Variants in FBXL22 observed in about 807,000 individuals in gnomAD.
FBXL22 encodes the protein F-box and leucine-rich protein 22.
Under a neutral mutation model 11.7 loss-of-function variants are expected in FBXL22, and 13 were observed. That is an observed-to-expected ratio of 1.11 (90% confidence interval 0.73 to 1.77). The LOEUF (loss-of-function observed/expected upper bound fraction) is 1.77, where lower values mean the gene tolerates loss of function less well. Among genes scored for constraint, FBXL22 ranks in the 40% most tolerant of loss-of-function variants. FBXL22 has a pLI of 0.00. For missense variants in FBXL22, 406 were observed against 320.4 expected, an observed-to-expected ratio of 1.27 and a Z score of -2.04; for synonymous variants, 160 against 144.1, an observed-to-expected ratio of 1.11 and a Z score of -0.79.
At chr15:63,599,722 C>G (rs1388741963) in intron 1 of FBXL22, 5 of 987,156 alleles carry the variant, frequency 5.1e-6, no homozygotes, top group Non-Finnish European at 6.0e-6. Flanking sequence ...AAGGGAAACG[C>G]TTCCCCAGCC....
Position 63,600,684 on chromosome 15 carries a change from A to T in FBXL22, c.354-13A>T. On this transcript the variant is annotated splice_polypyrimidine_tract_variant and intron_variant, in intron 1 of 1. Coordinates refer to ENST00000638704, the MANE Select transcript of FBXL22 (RefSeq NM_001367807.1). Reference sequence around the variant, plus strand: ...AAGCCAGTGAGCCCCGGGTCACCGCACTCTCCTCACAGGTGCCCCAACCTG... The same window carrying T: ...AAGCCAGTGAGCCCCGGGTCACCGCTCTCTCCTCACAGGTGCCCCAACCTG... 8.1e-7 allele frequency: 1 copy of T among 1,230,788 alleles called. No individual in the cohort carries two copies. The highest frequency in any genetic ancestry group is 1.0e-6 in the Non-Finnish European group (1 of 987,556). 76.2% of individuals were successfully genotyped at this position (1,230,788 alleles called of 1,614,324 possible). A position where few individuals can be genotyped will look rare whatever the true frequency, so the allele number is the denominator to read the frequency against.
downstream of FBXL22, chr15:63,601,957 G>A (rs2067379414): frequency 4.3e-6 from 2 of 469,324 alleles, no homozygotes; most frequent in Non-Finnish European, 3.7e-6. Flanking sequence ...CAGGGCTGTA[G>A]TCACTGATGT....
At chr15:63,599,989 G>A (rs1430506441) in intron 1 of FBXL22, 1 of 985,740 alleles carries the variant, frequency 1.0e-6, no homozygotes. Context: ...TCTTTGCTGG[G>A]AGGGGCTGGT....
chr15:63,597,887 C>T lies in FBXL22; in HGVS notation c.353+142C>T, dbSNP rs915714048. On this transcript the variant is annotated intron_variant, in intron 1 of 1. Coordinates refer to ENST00000638704, the MANE Select transcript of FBXL22 (RefSeq NM_001367807.1). This position sits in a 1 kb window ranked among gnomAD's most constrained non-coding sequence, Gnocchi z 4.3. ...CTAGGCCCAAGGCAGACATCCAGACCGCCCAAAGCAGGGTCCCCAGGAGAC... is the reference window on the plus strand; with the variant it reads ...CTAGGCCCAAGGCAGACATCCAGACTGCCCAAAGCAGGGTCCCCAGGAGAC... The T allele has an allele frequency of 5.5e-6, 4 of 725,628 alleles. No individual in the cohort carries two copies. The highest frequency in any genetic ancestry group is 1.8e-5 in the African/African-American group (1 of 56,124). 44.9% of individuals were successfully genotyped at this position (725,628 alleles called of 1,614,324 possible).
downstream of FBXL22, chr15:63,601,654 A>T: frequency 1.2e-6 from 2 of 1,607,690 alleles, no homozygotes; most frequent in South Asian, 2.2e-5. Context: ...CTGCCCGCCC[A>T]CCTTTCCTGG....
At chr15:63,604,645 CTT>C (rs1383615821), downstream of FBXL22, among the ~76,000 whole-genome samples, 1 of 152,222 alleles carries the variant, frequency 6.6e-6, no homozygotes, top group East Asian at 1.9e-4. Context: ...CAATACCTCA[CTT>C]AATCTACAAA....
Position 63,598,871 on chromosome 15 carries a change from G to T in FBXL22, c.353+1126G>T, listed in dbSNP as rs116578967. Among the ~76,000 whole-genome samples the T allele has an allele frequency of 1.9e-3, 285 of 152,296 alleles. 1 individual carries two copies. The highest frequency in any genetic ancestry group is 5.9e-3 in the African/African-American group (246 of 41,554). ...ACTAGAGTGACATGGGTGGGGGTTG[G>T]GGGGAGGCGAATGGCACAACATGTC... On this transcript the variant is annotated intron_variant, in intron 1 of 1. Transcript: ENST00000638704.
downstream of FBXL22, among the ~76,000 whole-genome samples, chr15:63,606,683 G>A (rs1041186031): frequency 6.6e-6 from 1 of 152,012 alleles, no homozygotes; most frequent in Non-Finnish European, 1.5e-5. Flanking sequence ...GTGAGACCCT[G>A]TCTCTGCAAA....
chr15:63,607,202 T>A (rs2067424382), downstream of FBXL22, among the ~76,000 whole-genome samples: 1 of 152,142 alleles, frequency 6.6e-6, no homozygotes, highest in Non-Finnish European at 1.5e-5. Context: ...CCCACCACCA[T>A]GCCCAGCTAA....
downstream of FBXL22, among the ~76,000 whole-genome samples, chr15:63,605,759 C>T (rs532173767): frequency 1.1e-4 from 16 of 152,298 alleles, no homozygotes; most frequent in South Asian, 3.3e-3. Context: ...AAGGTTTGGC[C>T]AAGGCAGCGA....
At position 63,597,485 on chromosome 15, in the gene FBXL22, C is replaced by G. The variant is rs374010176; in HGVS notation, c.93C>G (p.Ser31Arg). 13 of 1,614,104 alleles carry G rather than the reference C, an allele frequency of 8.1e-6. No individual in the cohort carries two copies. Among genetic ancestry groups the G allele is most frequent in the Admixed American group, 1.7e-5 (1 of 60,024 alleles). ...TCCTAGACAAGGACAGCAGGAAGAG[C>G]CTTGCCAGGACCTGCTCCCAGCTCC... is the stretch of plus-strand genomic sequence containing the variant. ...FSFLDKDSRK[S>R]LARTCSQLHD... Residue 31 changes from serine (S) to arginine (R), a missense_variant, in exon 1 of 2, where the codon AGC becomes AGG. By Grantham distance (110) the Ser-to-Arg change is moderately radical (BLOSUM62 -1). Coordinates refer to ENST00000638704, the MANE Select transcript of FBXL22 (RefSeq NM_001367807.1). This position sits in a 1 kb window ranked among gnomAD's most constrained non-coding sequence, Gnocchi z 4.3.
chr15:63,601,661 C>T, downstream of FBXL22: 1 of 1,608,334 alleles, frequency 6.2e-7, no homozygotes, highest in Non-Finnish European at 8.5e-7. Context: ...CCCACCTTTC[C>T]TGGGGCGGAT....
chr15:63,602,951 G>C (rs10438289), downstream of FBXL22, among the ~76,000 whole-genome samples: 68,291 of 151,996 alleles, frequency 0.45, 16,422 homozygotes, highest in Non-Finnish European at 0.54. Context: ...CCATTCTCTT[G>C]AGTTTCAAGA....
At chr15:63,600,510 G>A in intron 1 of FBXL22, 187 bp from the exon 2 acceptor site, 1 of 1,227,736 alleles carries the variant, frequency 8.1e-7, no homozygotes, top group East Asian at 3.2e-5. Context: ...GGGTGCAGGG[G>A]CAGAAAGAGG....
intron 1 of FBXL22, 112 bp from the exon 2 acceptor site, chr15:63,600,585 T>C: frequency 8.1e-7 from 1 of 1,229,798 alleles, no homozygotes. Flanking sequence ...CCAAGTGTCT[T>C]CACCTCGCAG....
chr15:63,597,843 A>C lies in FBXL22; in HGVS notation c.353+98A>C. On this transcript the variant is annotated intron_variant, in intron 1 of 1. Coordinates refer to ENST00000638704, the MANE Select transcript of FBXL22 (RefSeq NM_001367807.1). The surrounding 1 kb of genome is among the most constrained non-coding windows in gnomAD (Gnocchi z 4.3). ...CAAATTACGAGACCAAGATGGCTCC[A>C]CCTTCGGGGCGCCTCAAACTAGGCC... 8.4e-7 allele frequency: 1 copy of C among 1,196,502 alleles called. No homozygotes were observed. Among genetic ancestry groups the C allele is most frequent in the Non-Finnish European group, 1.1e-6 (1 of 875,372 alleles). 74.1% of individuals were successfully genotyped at this position (1,196,502 alleles called of 1,614,324 possible). A position where few individuals can be genotyped will look rare whatever the true frequency, so the allele number is the denominator to read the frequency against.
the FBXL22 span, among the ~76,000 whole-genome samples, chr15:63,608,137 A>G: frequency 1.3e-5 from 2 of 152,074 alleles, no homozygotes; most frequent in African/African-American, 4.8e-5. Context: ...AACACCTTCC[A>G]CTTGGCTGCC....
the FBXL22 span, among the ~76,000 whole-genome samples, chr15:63,607,435 G>A: frequency 6.6e-6 from 1 of 152,344 alleles, no homozygotes; most frequent in Non-Finnish European, 1.5e-5. Context: ...GCTACTGACT[G>A]CGCTCTTAGA....
At position 63,597,701 on chromosome 15, in the gene FBXL22, G is replaced by C. The variant is rs780958764; in HGVS notation, c.309G>C (p.Arg103=). The part of the protein sequence containing the change: ...KSAFQRSICS[R]HESLVNDFLL... ...CCTTCCAGAGAAGCATCTGCAGCCGGCACGAGAGCCTGGTCAATGATTTCC... is the reference window on the plus strand; with the variant it reads ...CCTTCCAGAGAAGCATCTGCAGCCGCCACGAGAGCCTGGTCAATGATTTCC... The change falls in exon 1 of 2, where the codon CGG becomes CGC. Residue 103 remains arginine (R), a synonymous_variant. Transcript: ENST00000638704. This position sits in a 1 kb window ranked among gnomAD's most constrained non-coding sequence, Gnocchi z 4.3. The C allele has an allele frequency of 2.5e-6, 4 of 1,598,322 alleles. 1 individual carries two copies. The East Asian group carries it at 9.0e-5, about 36-fold the overall frequency.
Sources: allele counts gnomAD v4.1 joint callset (sites outside exome capture counted in the v4.1 genomes callset), GRCh38; gene constraint gnomAD v4.1.1; non-coding constraint Gnocchi (gnomAD v3.1); transcripts MANE v1.5; gene names NCBI Gene and HGNC (gene_info 2026-07-23, HGNC 2026-07-21).